IL34: variants seen among roughly 807,000 people sequenced by gnomAD.
IL34 encodes interleukin 34.
A neutral mutation model predicts 25.3 loss-of-function variants in IL34; 17 were observed. The observed-to-expected ratio is 0.67, with a 90% CI of 0.46 to 1.01. IL34 has a LOEUF of 1.01. Ranked by LOEUF, IL34 falls within the 50% of genes least tolerant of loss-of-function variation. The probability of loss-of-function intolerance (pLI) is 0.00; values close to 1 mark genes in which losing one functional copy is unlikely to be tolerated. For synonymous variants in IL34, 174 were observed against 140.9 expected (o/e 1.23, Z -1.66); for missense variants, 368 against 312.9 (o/e 1.18, Z -1.33).
At chr16:70,631,379 T>A (rs1301907173) in intron 1 of IL34, among the ~76,000 whole-genome samples, 1 of 150,478 alleles carries the variant, frequency 6.6e-6, no homozygotes, top group South Asian at 2.2e-4. Context: ...TCAGGGAGAA[T>A]AGAAATTGGG....
chr16:70,648,261 T>A (rs150835946), intron 1 of IL34, among the ~76,000 whole-genome samples: 151 of 152,134 alleles, frequency 9.9e-4, no homozygotes, highest in African/African-American at 3.5e-3. Context: ...GAGGTGCGAA[T>A]GAAAGGCAAG....
chr16:70,624,039 A>G (rs954975300), intron 1 of IL34, among the ~76,000 whole-genome samples: 8 of 151,994 alleles, frequency 5.3e-5, no homozygotes, highest in East Asian at 1.9e-4. Flanking sequence ...CGAGGTGATC[A>G]GGCAGCGTCA....
In IL34 at chr16:70,597,135, G is replaced by A. The variant is rs115347697; in HGVS notation, c.-401+17086G>A. On this transcript the variant is annotated intron_variant, in intron 1 of 6. Coordinates refer to the IL34 transcript ENST00000429149. ...TCTGGGGTAGTTCCCAAGTGACACT[G>A]CTTTGGGCCATTACTGACTTCCTTA... Among the ~76,000 whole-genome samples, 569 of 152,218 alleles carry A rather than the reference G, an allele frequency of 3.7e-3. 5 individuals are homozygous for A. The highest frequency in any genetic ancestry group is 0.013 in the African/African-American group (542 of 41,548).
chr16:70,643,167 A>G (rs2051827441), upstream of IL34, among the ~76,000 whole-genome samples: 1 of 151,896 alleles, frequency 6.6e-6, no homozygotes, highest in Admixed American at 6.6e-5. Context: ...GGTTCAAGTG[A>G]TTCTCCTGCC....
In IL34 at chr16:70,600,781, G is replaced by T. The variant is rs911041894; in HGVS notation, c.-401+20732G>T. ...TGGAAAAAAGTATTTGGGAGAAACA[G>T]GGAATGCTGGGAGAGATGGGGATGC... On this transcript the variant is annotated intron_variant, in intron 1 of 6. Transcript: ENST00000429149. 2.0e-5 allele frequency among the ~76,000 whole-genome samples: 3 copies of T among 150,280 alleles called. No homozygotes were observed. The East Asian group carries it at 5.8e-4, about 29-fold the overall frequency.
At chr16:70,630,156 G>A (rs1597758900) in intron 1 of IL34, among the ~76,000 whole-genome samples, 1 of 152,164 alleles carries the variant, frequency 6.6e-6, no homozygotes, top group East Asian at 1.9e-4. Context: ...ATGAACTCAT[G>A]TGGTTACAAA....
In IL34 at chr16:70,615,236, T is replaced by A. The variant is rs147253705; in HGVS notation, c.-400-31312T>A. Among the ~76,000 whole-genome samples the A allele has an allele frequency of 3.7e-4, 56 of 152,308 alleles. 1 individual carries two copies. The East Asian group carries it at 9.8e-3, about 27-fold the overall frequency. ...CTTTTAAAGATACACTGGCCAGGTG[T>A]GGTGGCTCACGCCTGTAATCCCAGC... On this transcript the variant is annotated intron_variant, in intron 1 of 6. Transcript: ENST00000429149.
chr16:70,654,499 G>A (rs1247268162), intron 1 of IL34, 39 bp from the exon 2 acceptor site: 3 of 1,567,018 alleles, frequency 1.9e-6, no homozygotes, highest in Non-Finnish European at 2.6e-6. Flanking sequence ...TGGATGAGAT[G>A]GAGGGTGCTC....
intron 1 of IL34, among the ~76,000 whole-genome samples, chr16:70,612,879 C>T (rs866799659): frequency 2.6e-5 from 4 of 152,134 alleles, no homozygotes; most frequent in African/African-American, 9.7e-5. Context: ...TCTGCCTCCC[C>T]GGTTAAAGCG....
chr16:70,599,305 C>CTTTCTTTCTTACTTTCTTCT (rs1253810022), intron 1 of IL34, among the ~76,000 whole-genome samples: 1 of 60,276 alleles, frequency 1.7e-5, no homozygotes, highest in Admixed American at 1.3e-4. Flanking sequence ...TCTTTCTTTC[C>CTTTCTTTCTTACTTTCTTCT]TTCTTTCTTT....
chr16:70,583,623 G>C (rs1334649499), intron 1 of IL34, among the ~76,000 whole-genome samples: 1 of 151,818 alleles, frequency 6.6e-6, no homozygotes, highest in Non-Finnish European at 1.5e-5. Flanking sequence ...CCTGGGTGCT[G>C]GGTTCTGGTC....
In IL34 at chr16:70,600,253, C is replaced by A. The variant is rs182824412; in HGVS notation, c.-401+20204C>A. On this transcript the variant is annotated intron_variant, in intron 1 of 6. Coordinates refer to the IL34 transcript ENST00000429149. The stretch of plus-strand genomic sequence containing the variant: ...CCCCCTGCCACAAAGCCTGCTTGAC[C>A]ACCTTGGTCAACTCTAATCCATCCC... Among the ~76,000 whole-genome samples the A allele has an allele frequency of 4.6e-5, 7 of 152,246 alleles. No individual in the cohort carries two copies. In the East Asian group the frequency reaches 9.6e-4, roughly 21 times the overall value.
upstream of IL34, among the ~76,000 whole-genome samples, chr16:70,645,147 A>T (rs575703301): frequency 1.8e-4 from 27 of 149,336 alleles, no homozygotes; most frequent in South Asian, 4.1e-3. Context: ...ACGAGGAAGG[A>T]GGAGGAGGAA....
At chr16:70,614,400 T>C (rs2051142952) in intron 1 of IL34, among the ~76,000 whole-genome samples, 1 of 152,168 alleles carries the variant, frequency 6.6e-6, no homozygotes, top group Non-Finnish European at 1.5e-5. Flanking sequence ...GCCCCTGACC[T>C]ACTGAATTGT....
intron 1 of IL34, among the ~76,000 whole-genome samples, chr16:70,609,568 A>T (rs1239982618): frequency 6.6e-6 from 1 of 152,206 alleles, no homozygotes; most frequent in Non-Finnish European, 1.5e-5. Flanking sequence ...TACCAAGTGC[A>T]TGGCACAGCG....
At chr16:70,618,192 G>A (rs1037422745) in intron 1 of IL34, among the ~76,000 whole-genome samples, 8 of 152,204 alleles carry the variant, frequency 5.3e-5, no homozygotes, top group African/African-American at 1.9e-4. Flanking sequence ...GCCTGCCTTT[G>A]CTGGTGTGTG....
chr16:70,607,073 G>A (rs1297398041), intron 1 of IL34, among the ~76,000 whole-genome samples: 4 of 152,006 alleles, frequency 2.6e-5, no homozygotes. Flanking sequence ...TAGCTTTACA[G>A]TTTTATGGAT....
chr16:70,659,290 T>C (rs898621152), intron 4 of IL34, among the ~76,000 whole-genome samples: 5 of 152,230 alleles, frequency 3.3e-5, no homozygotes, highest in Admixed American at 6.5e-5. Flanking sequence ...TTTCCCCAGG[T>C]CAGGGGGTCC....
intron 1 of IL34, among the ~76,000 whole-genome samples, chr16:70,591,027 G>A (rs1321006600): frequency 1.3e-5 from 2 of 152,216 alleles, no homozygotes; most frequent in African/African-American, 4.8e-5. Flanking sequence ...TCGGGTCTCC[G>A]GGGTCTCAGG....
Sources: gnomAD v4.1 joint callset for allele counts (sites outside exome capture counted in the v4.1 genomes callset) on GRCh38, gnomAD v4.1.1 for gene constraint, MANE v1.5 for transcripts, NCBI Gene and HGNC (gene_info 2026-07-23, HGNC 2026-07-21) for gene names.